PRKCA: variants seen among roughly 807,000 people sequenced by gnomAD.
The protein encoded by PRKCA is protein kinase C alpha type.
PRKCA carries 27 observed loss-of-function variants against 87.0 expected under a neutral mutation model. That is an observed-to-expected ratio of 0.31 (90% CI 0.23 to 0.43). PRKCA has a LOEUF of 0.43. PRKCA is among the 20% of genes least tolerant of loss of function. The pLI is 1.00. For synonymous variants in PRKCA, 329 were observed against 311.1 expected (o/e 1.06, Z -0.61); for missense variants, 518 against 852.3 (o/e 0.61, Z 4.88).
chr17:66,784,307 G>A (rs1975323296), intron 14 of PRKCA, among the ~76,000 whole-genome samples: 1 of 152,092 alleles, frequency 6.6e-6, no homozygotes, highest in Non-Finnish European at 1.5e-5. Flanking sequence ...GTGCAGCAGC[G>A]CAATCTCAGC....
intron 2 of PRKCA, among the ~76,000 whole-genome samples, chr17:66,310,110 G>A (rs1905021214): frequency 6.6e-6 from 1 of 152,056 alleles, no homozygotes; most frequent in Non-Finnish European, 1.5e-5. Context: ...TAATTACAGT[G>A]GTAGAAACAG....
intron 10 of PRKCA, among the ~76,000 whole-genome samples, chr17:66,736,946 C>T (rs1186504538): frequency 6.6e-6 from 1 of 152,126 alleles, no homozygotes; most frequent in African/African-American, 2.4e-5. Flanking sequence ...ACTGTCTGGC[C>T]CTTTGTGGAA....
chr17:66,620,348 G>A (rs1428481136), intron 3 of PRKCA, among the ~76,000 whole-genome samples: 1 of 152,102 alleles, frequency 6.6e-6, no homozygotes, highest in Non-Finnish European at 1.5e-5. Context: ...GATTGCCTCT[G>A]GTCAGTAAAT....
At chr17:66,508,159 C>G (rs1917061190) in intron 3 of PRKCA, among the ~76,000 whole-genome samples, 2 of 152,164 alleles carry the variant, frequency 1.3e-5, no homozygotes. Flanking sequence ...TATGTTGTAC[C>G]AGAAGCTGGG....
chr17:66,314,397 ACT>A (rs1163701230), intron 2 of PRKCA, among the ~76,000 whole-genome samples: 1 of 152,146 alleles, frequency 6.6e-6, no homozygotes, highest in African/African-American at 2.4e-5. Context: ...CATTAAAAAA[ACT>A]CTTTATTAAA....
intron 3 of PRKCA, among the ~76,000 whole-genome samples, chr17:66,527,468 C>T (rs965748281): frequency 2.6e-5 from 4 of 152,108 alleles, no homozygotes; most frequent in African/African-American, 4.8e-5. Context: ...TGTGGCTCTG[C>T]GGGTCATTCA....
intron 14 of PRKCA, among the ~76,000 whole-genome samples, chr17:66,785,596 G>T (rs1030360156): frequency 6.6e-6 from 1 of 152,226 alleles, no homozygotes; most frequent in African/African-American, 2.4e-5. Flanking sequence ...CCGCCAGAGT[G>T]ACCGGGAAGT....
chr17:66,407,111 TGAGTAA>T lies in PRKCA; in HGVS notation c.206-89089_206-89084del, dbSNP rs552395144. Among the ~76,000 whole-genome samples the T allele has an allele frequency of 6.6e-5, 10 of 152,292 alleles. No individual in the cohort carries two copies. In the East Asian group the frequency reaches 1.2e-3, roughly 18 times the overall value. On this transcript the variant is annotated intron_variant, in intron 2 of 16. Transcript: ENST00000413366. ...GTTCAGTGGACACCTTGTTGAAGTA[TGAGTAA>T]ATTTGTGAATTGTAGTGTTTAGCCA...
At chr17:66,539,472 C>T (rs1371707263) in intron 3 of PRKCA, among the ~76,000 whole-genome samples, 2 of 150,594 alleles carry the variant, frequency 1.3e-5, no homozygotes, top group Non-Finnish European at 2.9e-5. Flanking sequence ...GGCGTGATCT[C>T]GGCTCACTGC....
intron 5 of PRKCA, among the ~76,000 whole-genome samples, chr17:66,645,759 G>C (rs906712504): frequency 6.6e-6 from 1 of 152,214 alleles, no homozygotes; most frequent in Non-Finnish European, 1.5e-5. Flanking sequence ...CACAAGCACT[G>C]TGTGGATTGG....
chr17:66,344,921 ACACCT>A (rs1907267565), intron 2 of PRKCA, among the ~76,000 whole-genome samples: 1 of 152,166 alleles, frequency 6.6e-6, no homozygotes, highest in African/African-American at 2.4e-5. Flanking sequence ...ACGTGCCGCC[ACACCT>A]CATGCCTGTA....
At chr17:66,611,670 T>G (rs1236265991) in intron 3 of PRKCA, among the ~76,000 whole-genome samples, 1 of 152,222 alleles carries the variant, frequency 6.6e-6, no homozygotes, top group Non-Finnish European at 1.5e-5. Flanking sequence ...TGGACACATG[T>G]TTTTTGTTTT....
chr17:66,747,080 TA>T (rs1191854893), intron 13 of PRKCA, among the ~76,000 whole-genome samples: 1 of 152,222 alleles, frequency 6.6e-6, no homozygotes, highest in African/African-American at 2.4e-5. Context: ...CTAAGAACTT[TA>T]TTTTTTTAAA....
In PRKCA at chr17:66,306,120, G is replaced by C; in HGVS notation, c.198G>C (p.Gln66His). The part of the protein sequence containing the change: ...FIWGFGKQGF[Q>H]CQVCCFVVHK... ...GGGGGTTTGGGAAACAAGGCTTCCA[G>C]TGCCAAGGTAAGCTACCACTTTTGG... The change falls in exon 2 of 17, where the codon CAG becomes CAC. Residue 66 changes from glutamine (Q) to histidine (H), a missense_variant. Gln to His is a conservative substitution (Grantham distance 24). Around this residue, in one of 5 missense-constraint regions of PRKCA, gnomAD observed 25 missense variants for 72.1 expected, o/e 0.35. Transcript: ENST00000413366. The C allele has an allele frequency of 6.2e-7, 1 of 1,612,108 alleles. No homozygotes were observed.
chr17:66,786,668 GA>G (rs1436378351), intron 14 of PRKCA, among the ~76,000 whole-genome samples, 198 bp from the exon 15 acceptor site: 1 of 152,052 alleles, frequency 6.6e-6, no homozygotes, highest in Non-Finnish European at 1.5e-5. Flanking sequence ...AGACAGAGGG[GA>G]AAAAATGAAA....
At chr17:66,796,984 T>G (rs1975685184) in intron 16 of PRKCA, 1 of 984,858 alleles carries the variant, frequency 1.0e-6, no homozygotes, top group African/African-American at 1.7e-5. Context: ...TCTTCTGGGT[T>G]TTGTTTGGTT....
At chr17:66,751,189 C>T (rs1047313687) in intron 13 of PRKCA, among the ~76,000 whole-genome samples, 3 of 152,242 alleles carry the variant, frequency 2.0e-5, no homozygotes, top group Non-Finnish European at 2.9e-5. Context: ...AGATTACTAA[C>T]ATTTGTTCAT....
At chr17:66,471,920 A>G (rs1428367392) in intron 2 of PRKCA, among the ~76,000 whole-genome samples, 1 of 152,188 alleles carries the variant, frequency 6.6e-6, no homozygotes, top group Non-Finnish European at 1.5e-5. Flanking sequence ...AATATTTAGA[A>G]GCAGAAGATT....
intron 5 of PRKCA, among the ~76,000 whole-genome samples, chr17:66,660,287 T>C (rs1160800611): frequency 1.3e-5 from 2 of 152,116 alleles, no homozygotes; most frequent in African/African-American, 4.8e-5. Context: ...CTGAAACAAC[T>C]CAAGGGCATG....
Sources: gnomAD v4.1 joint callset for allele counts (sites outside exome capture counted in the v4.1 genomes callset) on GRCh38, gnomAD v4.1.1 for gene constraint, gnomAD v4.1.1 regional missense constraint, MANE v1.5 for transcripts, NCBI Gene and HGNC (gene_info 2026-07-23, HGNC 2026-07-21) for gene names.